Variants in LSAMP observed in about 807,000 individuals in gnomAD.
LSAMP encodes limbic system associated membrane protein, also known as limbic system-associated membrane protein.
Under a neutral mutation model 38.6 loss-of-function variants are expected in LSAMP, and 7 were observed. The ratio of observed to expected loss-of-function variants is 0.18; its 90% CI spans 0.10 to 0.34. The LOEUF (loss-of-function observed/expected upper bound fraction) is 0.34. Ranked by LOEUF, LSAMP falls within the 10% of genes least tolerant of loss-of-function variation. The pLI is 1.00. For synonymous variants in LSAMP, 154 were observed against 166.8 expected (o/e 0.92, Z 0.59); for missense variants, 313 against 420.0 (o/e 0.75, Z 2.23).
At chr3:116,186,336 A>G (rs912625891) in intron 1 of LSAMP, among the ~76,000 whole-genome samples, 2 of 152,036 alleles carry the variant, frequency 1.3e-5, no homozygotes, top group Non-Finnish European at 2.9e-5. Flanking sequence ...GCAAACCACA[A>G]CCATCTGTAG....
At chr3:116,083,534 C>T (rs1707916749) in intron 2 of LSAMP, among the ~76,000 whole-genome samples, 5 of 152,192 alleles carry the variant, frequency 3.3e-5, no homozygotes, top group Admixed American at 2.6e-4. Context: ...TTCTAAACTG[C>T]TATTCTTTGG....
chr3:116,440,456 T>C (rs888120880), intron 1 of LSAMP, among the ~76,000 whole-genome samples: 1 of 152,190 alleles, frequency 6.6e-6, no homozygotes, highest in Non-Finnish European at 1.5e-5. Flanking sequence ...TACAAATACG[T>C]CATTCTAAGT....
chr3:116,415,591 C>T (rs901644131), intron 1 of LSAMP, among the ~76,000 whole-genome samples: 3 of 152,024 alleles, frequency 2.0e-5, no homozygotes, highest in Admixed American at 1.3e-4. Context: ...TTGGTTTTCT[C>T]GTTTCATCTT....
At chr3:116,233,032 C>T (rs2046422603) in intron 1 of LSAMP, among the ~76,000 whole-genome samples, 1 of 152,058 alleles carries the variant, frequency 6.6e-6, no homozygotes, top group Non-Finnish European at 1.5e-5. Flanking sequence ...AGCTAAAATA[C>T]ACAGTTGATT....
intron 1 of LSAMP, among the ~76,000 whole-genome samples, chr3:116,350,623 A>AT (rs2048125052): frequency 7.8e-6 from 1 of 128,224 alleles, no homozygotes; most frequent in African/African-American, 3.9e-5. Flanking sequence ...ATGTCAAGGA[A>AT]CCTTTTTTTT....
At chr3:116,039,991 C>CT (rs1183184699) in intron 2 of LSAMP, among the ~76,000 whole-genome samples, 2 of 148,240 alleles carry the variant, frequency 1.3e-5, no homozygotes, top group Non-Finnish European at 2.9e-5. Flanking sequence ...CTCTGCCTCT[C>CT]TTTGGGGGGG....
At chr3:115,929,870 T>C (rs1443068451) in intron 3 of LSAMP, among the ~76,000 whole-genome samples, 1 of 152,110 alleles carries the variant, frequency 6.6e-6, no homozygotes, top group East Asian at 1.9e-4. Flanking sequence ...TTCAATCTTT[T>C]GTGATTAAGC....
intron 3 of LSAMP, among the ~76,000 whole-genome samples, chr3:115,972,511 A>C (rs1157386713): frequency 1.3e-5 from 2 of 151,682 alleles, no homozygotes; most frequent in African/African-American, 4.8e-5. Context: ...TATTCCCCAC[A>C]AAGTATTTCC....
At chr3:116,163,410 A>G (rs1349201795) in intron 1 of LSAMP, among the ~76,000 whole-genome samples, 1 of 151,184 alleles carries the variant, frequency 6.6e-6, no homozygotes. Context: ...TGAACTCATC[A>G]TTTTTTATGG....
chr3:116,212,329 T>C (rs550819465), intron 1 of LSAMP, among the ~76,000 whole-genome samples: 2 of 152,310 alleles, frequency 1.3e-5, no homozygotes, highest in Admixed American at 6.5e-5. Flanking sequence ...GGTTTCTTTT[T>C]TTGTTTTGTT....
chr3:115,952,825 T>C (rs900766287), intron 3 of LSAMP, among the ~76,000 whole-genome samples: 2 of 152,092 alleles, frequency 1.3e-5, no homozygotes, highest in African/African-American at 4.8e-5. Flanking sequence ...TCAAAATATG[T>C]AAAAGTAAAG....
At chr3:116,312,642 G>T (rs900033178) in intron 1 of LSAMP, among the ~76,000 whole-genome samples, 1 of 152,034 alleles carries the variant, frequency 6.6e-6, no homozygotes, top group Non-Finnish European at 1.5e-5. Flanking sequence ...GGGCTTAGCA[G>T]CTACCTACAT....
Position 116,304,545 on chromosome 3 carries a change from C to G in LSAMP, c.155+140332G>C, listed in dbSNP as rs145242372. 2.0e-5 allele frequency among the ~76,000 whole-genome samples: 3 copies of G among 152,178 alleles called. No individual in the cohort carries two copies. In the South Asian group the frequency reaches 6.2e-4, roughly 32 times the overall value. Reference sequence around the variant, plus strand: ...TGCAGAGACATGGGAAAGGAAACAACTGAGCTGGGAAGCGTGGGTCAGGAT... The same window carrying G: ...TGCAGAGACATGGGAAAGGAAACAAGTGAGCTGGGAAGCGTGGGTCAGGAT... On this transcript the variant is annotated intron_variant, in intron 1 of 6. Transcript: ENST00000490035.
chr3:116,011,203 G>A (rs769706296), intron 3 of LSAMP, among the ~76,000 whole-genome samples: 3 of 152,038 alleles, frequency 2.0e-5, no homozygotes, highest in African/African-American at 4.8e-5. Flanking sequence ...CACTGCACCC[G>A]GCCAGTTTTT....
intron 1 of LSAMP, among the ~76,000 whole-genome samples, chr3:116,182,322 C>T (rs966320510): frequency 6.6e-6 from 1 of 151,330 alleles, no homozygotes; most frequent in Non-Finnish European, 1.5e-5. Flanking sequence ...AAATTAGTTA[C>T]CTCATTTATT....
chr3:116,242,317 AT>A (rs2046547858), intron 1 of LSAMP, among the ~76,000 whole-genome samples: 1 of 152,220 alleles, frequency 6.6e-6, no homozygotes, highest in South Asian at 2.1e-4. Flanking sequence ...AAAAAGAAAC[AT>A]TTTTAACAGC....
At chr3:116,139,257 T>C (rs78426734) in intron 1 of LSAMP, among the ~76,000 whole-genome samples, 1,786 of 152,014 alleles carry the variant, frequency 0.012, 30 homozygotes, top group African/African-American at 0.041. Flanking sequence ...ATGGAAAGCA[T>C]GGGCCCAATT....
intron 4 of LSAMP, among the ~76,000 whole-genome samples, chr3:115,845,083 G>A (rs1935111772): frequency 6.6e-6 from 1 of 152,212 alleles, no homozygotes; most frequent in Non-Finnish European, 1.5e-5. Context: ...TAAGGGTGAG[G>A]AAAAGAAGGA....
At chr3:115,901,708 C>T (rs553659326) in intron 3 of LSAMP, among the ~76,000 whole-genome samples, 20 of 152,192 alleles carry the variant, frequency 1.3e-4, no homozygotes, top group East Asian at 3.9e-4. Context: ...CCAAATACCA[C>T]CCCAATACAT....
Sources: gnomAD v4.1 joint callset for allele counts (sites outside exome capture counted in the v4.1 genomes callset) on GRCh38, gnomAD v4.1.1 for gene constraint, MANE v1.5 for transcripts, NCBI Gene and HGNC (gene_info 2026-07-23, HGNC 2026-07-21) for gene names.